The following GPR137 variants were observed in gnomAD, a reference collection of about 807,000 sequenced individuals.
GPR137 encodes the protein G protein-coupled receptor 137.
A neutral mutation model predicts 38.9 loss-of-function variants in GPR137; 20 were observed. The observed-to-expected ratio is 0.51, with a 90% CI of 0.36 to 0.75. GPR137 has a LOEUF of 0.75. GPR137 is among the 30% of genes least tolerant of loss of function. The pLI, the probability that GPR137 is intolerant of heterozygous loss-of-function variation, is 0.00. For synonymous variants in GPR137, 226 were observed against 235.8 expected (o/e 0.96, Z 0.38); for missense variants, 456 against 526.4 (o/e 0.87, Z 1.31).
chr11:64,274,291 G>A (rs553497324), upstream of GPR137, among the ~76,000 whole-genome samples: 138 of 152,250 alleles, frequency 9.1e-4, no homozygotes, highest in African/African-American at 3.2e-3. Flanking sequence ...GGAGGGTGAG[G>A]CAGGACAATG....
At chr11:64,276,810 C>G in intron 2 of GPR137, 2 of 667,276 alleles carry the variant, frequency 3.0e-6, no homozygotes, top group South Asian at 3.3e-5. Context: ...GGCCTGCCCA[C>G]TCTTGCCATC....
chr11:64,274,188 C>G (rs932574652), upstream of GPR137, among the ~76,000 whole-genome samples: 2 of 150,618 alleles, frequency 1.3e-5, no homozygotes, highest in Admixed American at 6.6e-5. Context: ...GTCAGGAGAT[C>G]GAGACCATCC....
chr11:64,285,836 G>C, upstream of GPR137: 1 of 985,202 alleles, frequency 1.0e-6, no homozygotes. Flanking sequence ...AGGCGCGGAG[G>C]GGGAGGGGGG....
intron 2 of GPR137, chr11:64,276,972 C>T (rs1170735660): frequency 1.3e-6 from 1 of 740,764 alleles, no homozygotes; most frequent in Non-Finnish European, 2.5e-6. Flanking sequence ...CCTGCTGATG[C>T]TTCCGCGAGC....
upstream of GPR137, among the ~76,000 whole-genome samples, chr11:64,280,163 C>A (rs1292542207): frequency 6.7e-6 from 1 of 150,216 alleles, no homozygotes; most frequent in Non-Finnish European, 1.5e-5. Context: ...TAAAAACACA[C>A]AAAAAAATTA....
upstream of GPR137, chr11:64,271,887 T>C: frequency 8.6e-7 from 1 of 1,156,342 alleles, no homozygotes. Flanking sequence ...CCCCATCAGC[T>C]CTGCAGGCCC....
intron 2 of GPR137, 76 bp downstream of exon 2, chr11:64,287,090 CCT>C: frequency 3.2e-6 from 5 of 1,548,622 alleles, no homozygotes; most frequent in South Asian, 1.2e-5. Flanking sequence ...TCCCTTCCCA[CCT>C]CTCAGGGCTG....
upstream of GPR137, chr11:64,271,514 G>A: frequency 8.1e-7 from 1 of 1,234,764 alleles, no homozygotes; most frequent in Non-Finnish European, 1.0e-6. Context: ...AGGGGTCGTG[G>A]GACTCCAGAT....
chr11:64,276,087 G>A (rs972905199), intron 1 of GPR137, among the ~76,000 whole-genome samples: 5 of 152,096 alleles, frequency 3.3e-5, no homozygotes, highest in African/African-American at 1.2e-4. Flanking sequence ...ACCTTGGGCT[G>A]CCTTGGAGGC....
chr11:64,279,702 G>A (rs2033305945), upstream of GPR137, among the ~76,000 whole-genome samples: 1 of 147,344 alleles, frequency 6.8e-6, no homozygotes, highest in Admixed American at 7.0e-5. Context: ...GGTGGAAGTT[G>A]CAGTGAGCCG....
chr11:64,286,132 C>T lies in GPR137; in HGVS notation c.-393C>T. 1 of 1,015,546 alleles carries T rather than the reference C, an allele frequency of 9.8e-7. No homozygotes were observed. Among genetic ancestry groups the T allele is most frequent in the Non-Finnish European group, 1.2e-6 (1 of 850,064 alleles). 62.9% of individuals were successfully genotyped at this position (1,015,546 alleles called of 1,614,324 possible). On this transcript the variant is annotated 5_prime_UTR_variant, in exon 1 of 7. In the 5' UTR this introduces an upstream ATG that the reference lacks. Coordinates refer to ENST00000438980, the MANE Select transcript of GPR137 (RefSeq NM_001170880.2). ...CGCAGCGGCCGCTGCCCTGACCCGA[C>T]GGGTATCAGCCGGCTCTCCCCCTCC...
intron 2 of GPR137, among the ~76,000 whole-genome samples, chr11:64,278,364 G>GA (rs900551717): frequency 5.5e-5 from 8 of 145,540 alleles, no homozygotes; most frequent in Non-Finnish European, 9.0e-5. Flanking sequence ...CTCCATCTTG[G>GA]AAAAAAAAAT....
chr11:64,281,602 T>C (rs2033475941), upstream of GPR137, among the ~76,000 whole-genome samples: 1 of 152,174 alleles, frequency 6.6e-6, no homozygotes, highest in Admixed American at 6.5e-5. Context: ...TCTGCCCTTC[T>C]CTCTGCCTGG....
chr11:64,275,049 A>C (rs2032957086), upstream of GPR137, among the ~76,000 whole-genome samples: 1 of 149,410 alleles, frequency 6.7e-6, no homozygotes, highest in South Asian at 2.1e-4. Flanking sequence ...GAATCCGGAA[A>C]GGCCTAGGGT....
upstream of GPR137, chr11:64,284,477 C>T: frequency 2.5e-6 from 4 of 1,591,188 alleles, no homozygotes; most frequent in Non-Finnish European, 3.4e-6. Flanking sequence ...CACCGTAGCG[C>T]CCCCAGGCCC....
At chr11:64,284,718 G>A, upstream of GPR137, 2 of 1,536,014 alleles carry the variant, frequency 1.3e-6, no homozygotes, top group Non-Finnish European at 1.7e-6. Context: ...TGGGCAACGG[G>A]AACTGTCAGC....
At chr11:64,284,861 G>A (rs2033777312), upstream of GPR137, 4 of 1,493,578 alleles carry the variant, frequency 2.7e-6, no homozygotes, top group Non-Finnish European at 3.6e-6. Flanking sequence ...TTCGGCCCCG[G>A]GGCTCACATC....
At chr11:64,281,734 T>TC (rs1480425346), upstream of GPR137, among the ~76,000 whole-genome samples, 2 of 152,300 alleles carry the variant, frequency 1.3e-5, no homozygotes, top group African/African-American at 4.8e-5. Flanking sequence ...TCTTAACTCT[T>TC]TTTTTTGAGA....
Position 64,288,185 on chromosome 11 carries a change from G to T in GPR137, c.754G>T (p.Asp252Tyr), listed in dbSNP as rs1234857518. Residue 252 changes from aspartate to tyrosine, a missense_variant, in exon 4 of 7, where the codon GAT (aspartate) becomes TAT (tyrosine). Transcript: ENST00000438980. This position sits in a 1 kb window ranked among gnomAD's most constrained non-coding sequence, Gnocchi z 5.5. Reference protein sequence around the residue: ...LAPQSRLDTFDYDWYNVSDQA... With the variant: ...LAPQSRLDTFYYDWYNVSDQA... ...CCCCCAGAGCCGGCTGGACACCTTC[G>T]ATTACGACTGGTACAATGTGTCTGA... 7 of 1,613,020 alleles carry T rather than the reference G, an allele frequency of 4.3e-6. No homozygotes were observed. In the Admixed American group the frequency reaches 1.0e-4, roughly 23 times the overall value.
Sources: allele counts gnomAD v4.1 joint callset (sites outside exome capture counted in the v4.1 genomes callset), GRCh38; gene constraint gnomAD v4.1.1; non-coding constraint Gnocchi (gnomAD v3.1); transcripts MANE v1.5; gene names NCBI Gene and HGNC (gene_info 2026-07-23, HGNC 2026-07-21).